Variants in HIPK2 observed in about 807,000 individuals in gnomAD.
The protein encoded by HIPK2 is homeodomain interacting protein kinase 2.
In HIPK2, 27 loss-of-function variants were observed where a neutral mutation model predicts 113.7. That is an observed-to-expected ratio of 0.24 (90% CI 0.17 to 0.33). HIPK2 has a LOEUF of 0.33. Among genes scored for constraint, HIPK2 ranks in the 10% least tolerant of loss-of-function variants. The probability of loss-of-function intolerance (pLI) is 1.00; values close to 1 mark genes in which losing one functional copy is unlikely to be tolerated. For missense variants in HIPK2, 1,257 were observed against 1,588.0 expected (o/e 0.79, Z 3.54); for synonymous variants, 631 against 642.2 (o/e 0.98, Z 0.26).
At chr7:139,632,210 G>A (rs1800641954) in intron 2 of HIPK2, among the ~76,000 whole-genome samples, 1 of 152,162 alleles carries the variant, frequency 6.6e-6, no homozygotes, top group Non-Finnish European at 1.5e-5. Context: ...CTATTCACAG[G>A]CATGATCATA....
chr7:139,705,894 G>A (rs1794881051), intron 2 of HIPK2, among the ~76,000 whole-genome samples: 1 of 151,950 alleles, frequency 6.6e-6, no homozygotes, highest in Non-Finnish European at 1.5e-5. Flanking sequence ...CACGGGTTGA[G>A]CAGCTGACGA....
rs1464308136 is a variant in HIPK2, at chr7:139,631,509, G to A, written c.1227+93C>T. ...AGACAACGTGACATTCCACAGTCCC[G>A]CCCATTTGTCATGTAATCAATGAAA... On this transcript the variant is annotated intron_variant, in intron 3 of 14. Transcript: ENST00000406875. The surrounding 1 kb of genome is among the most constrained non-coding windows in gnomAD (Gnocchi z 4.9). 19 of 1,540,140 alleles carry A rather than the reference G, an allele frequency of 1.2e-5. No homozygotes were observed. Among genetic ancestry groups the A allele is most frequent in the Admixed American group, 2.0e-5 (1 of 51,150 alleles).
rs948206116 is a variant in HIPK2, at chr7:139,702,000, G to A, written c.1103+13932C>T. Among the ~76,000 whole-genome samples, 1,330 of 152,270 alleles carry A rather than the reference G, an allele frequency of 8.7e-3. 15 individuals carry two copies. The highest frequency in any genetic ancestry group is 0.014 in the Middle Eastern group (4 of 294). ...CGAATCCCAGAGCTTCTAATCCCAG[G>A]TTAGGGATCTGGACGTGGGAGCCAA... On this transcript the variant is annotated intron_variant, in intron 2 of 14. Transcript: ENST00000406875.
chr7:139,667,159 T>A (rs1271845679), intron 2 of HIPK2, among the ~76,000 whole-genome samples: 2 of 152,164 alleles, frequency 1.3e-5, no homozygotes, highest in Non-Finnish European at 2.9e-5. Flanking sequence ...AATCATAGTA[T>A]CATATAATTT....
At chr7:139,736,752 G>T (rs11770283) in intron 1 of HIPK2, among the ~76,000 whole-genome samples, 53,751 of 152,084 alleles carry the variant, frequency 0.35, 13,022 homozygotes, top group African/African-American at 0.68. Context: ...AACCACAAAG[G>T]CCAATCAAAG....
chr7:139,587,449 A>T (rs1048950782), intron 12 of HIPK2, among the ~76,000 whole-genome samples: 1 of 139,590 alleles, frequency 7.2e-6, no homozygotes, highest in Admixed American at 7.8e-5. Flanking sequence ...AGATTGCACC[A>T]TTGTACTCCA....
chr7:139,731,745 G>T (rs1795789536), intron 1 of HIPK2, among the ~76,000 whole-genome samples: 1 of 152,156 alleles, frequency 6.6e-6, no homozygotes, highest in Admixed American at 6.5e-5. Context: ...TTAAATACAG[G>T]ATTCATTTCA....
Position 139,569,966 on chromosome 7 carries a change from T to C in HIPK2, c.*2961A>G, listed in dbSNP as rs1798210164. 1 of 152,210 alleles carries C rather than the reference T, an allele frequency of 6.6e-6. No homozygotes were observed. The highest frequency in any genetic ancestry group is 1.5e-5 in the Non-Finnish European group (1 of 68,038). The allele number at this position is 152,210 out of a possible 1,614,324, so 9.4% of individuals were successfully genotyped here. On this transcript the variant is annotated 3_prime_UTR_variant, in exon 15 of 15. Transcript: ENST00000406875. ...CTTTATGAGCAGCATGGAAATTTCA[T>C]TCCTGATCTGGAAGAATAAAAGGAA...
At chr7:139,624,319 G>A (rs561124955) in intron 6 of HIPK2, among the ~76,000 whole-genome samples, 5 of 152,224 alleles carry the variant, frequency 3.3e-5, no homozygotes, top group Admixed American at 6.5e-5. Flanking sequence ...CACTGCAACC[G>A]GCCATGACTT....
intron 8 of HIPK2, 119 bp downstream of exon 8, chr7:139,614,167 G>T: frequency 1.0e-6 from 1 of 991,602 alleles, no homozygotes; most frequent in Non-Finnish European, 1.4e-6. Flanking sequence ...CGCTCTCACT[G>T]GAAGAAATGA....
intron 2 of HIPK2, among the ~76,000 whole-genome samples, chr7:139,704,218 A>C (rs1794817141): frequency 3.0e-5 from 3 of 99,132 alleles, no homozygotes; most frequent in East Asian, 3.3e-4. Context: ...CACCACACCC[A>C]ACACACACTA....
chr7:139,631,863 T>G lies in HIPK2; in HGVS notation c.1104-138A>C. 1 of 1,081,334 alleles carries G rather than the reference T, an allele frequency of 9.2e-7. No individual in the cohort carries two copies. 67.0% of individuals were successfully genotyped at this position (1,081,334 alleles called of 1,614,324 possible). On this transcript the variant is annotated intron_variant, in intron 2 of 14. Transcript: ENST00000406875. This position sits in a 1 kb window ranked among gnomAD's most constrained non-coding sequence, Gnocchi z 4.9. ...GGCCTGTGGCTCTCAGGAGAGGCGC[T>G]GTGCTACAACAATCCTTCCATTCTT... is the stretch of plus-strand genomic sequence containing the variant.
intron 2 of HIPK2, among the ~76,000 whole-genome samples, chr7:139,642,111 G>C (rs971784667): frequency 1.3e-5 from 2 of 152,214 alleles, no homozygotes; most frequent in African/African-American, 4.8e-5. Flanking sequence ...GAACTGCAGA[G>C]AAAAAGTCCG....
At chr7:139,725,031 T>A (rs1235975340) in intron 1 of HIPK2, among the ~76,000 whole-genome samples, 3 of 151,464 alleles carry the variant, frequency 2.0e-5, no homozygotes, top group African/African-American at 7.3e-5. Flanking sequence ...AAACATGAAA[T>A]AAAATCAATC....
At position 139,733,698 on chromosome 7, in the gene HIPK2, T is replaced by C. The variant is rs905748304; in HGVS notation, c.20-16683A>G. 3.3e-5 allele frequency among the ~76,000 whole-genome samples: 5 copies of C among 152,362 alleles called. 1 individual carries two copies. Among genetic ancestry groups the C allele is most frequent in the Admixed American group, 3.3e-4 (5 of 15,310 alleles). ...TTTTCTTCTGTATCCTAATACGTTG[T>C]CTTGCACCCATTACTTTGAAAAGCT... On this transcript the variant is annotated intron_variant, in intron 1 of 14. Coordinates refer to ENST00000406875, the MANE Select transcript of HIPK2 (RefSeq NM_022740.5).
intron 2 of HIPK2, among the ~76,000 whole-genome samples, chr7:139,658,705 A>G (rs1585340589): frequency 1.3e-5 from 2 of 152,246 alleles, no homozygotes; most frequent in South Asian, 4.2e-4. Flanking sequence ...GAAGGTGGGG[A>G]TAAGATCTTG....
intron 14 of HIPK2, among the ~76,000 whole-genome samples, chr7:139,574,588 C>T (rs780452907): frequency 6.6e-6 from 1 of 152,214 alleles, no homozygotes; most frequent in Non-Finnish European, 1.5e-5. Flanking sequence ...GAGTCCACCA[C>T]GTGAGTCAGG....
intron 1 of HIPK2, among the ~76,000 whole-genome samples, chr7:139,725,120 C>T (rs1795534234): frequency 6.6e-6 from 1 of 152,228 alleles, no homozygotes; most frequent in Non-Finnish European, 1.5e-5. Context: ...ACATCTAAGA[C>T]ATCGTCACCG....
intron 12 of HIPK2, among the ~76,000 whole-genome samples, chr7:139,587,211 T>C (rs979346749): frequency 1.3e-5 from 2 of 152,054 alleles, no homozygotes; most frequent in African/African-American, 2.4e-5. Flanking sequence ...AAGTCCAGGC[T>C]GGGTGAGGTG....
Sources: allele counts gnomAD v4.1 joint callset (sites outside exome capture counted in the v4.1 genomes callset), GRCh38; gene constraint gnomAD v4.1.1; non-coding constraint Gnocchi (gnomAD v3.1); transcripts MANE v1.5; gene names NCBI Gene and HGNC (gene_info 2026-07-23, HGNC 2026-07-21).